PRELID3B: variants seen among roughly 807,000 people sequenced by gnomAD.
PRELID3B encodes the protein PRELI domain containing 3B, also known as PRELI domain containing protein 3B.
A neutral mutation model predicts 24.0 loss-of-function variants in PRELID3B; 15 were observed. That is an observed-to-expected ratio of 0.63 (90% confidence interval 0.42 to 0.96). PRELID3B has a LOEUF of 0.96. PRELID3B is among the 40% of genes least tolerant of loss of function. PRELID3B has a pLI of 0.00. For synonymous variants in PRELID3B, 62 were observed against 76.0 expected, an observed-to-expected ratio of 0.82 and a Z score of 0.96; for missense variants, 189 against 236.0, an observed-to-expected ratio of 0.80 and a Z score of 1.30.
chr20:59,039,515 G>C (rs2092097013), intron 1 of PRELID3B, among the ~76,000 whole-genome samples: 2 of 152,204 alleles, frequency 1.3e-5, no homozygotes, highest in South Asian at 4.1e-4. Context: ...CCCTTATTAA[G>C]TACAATCAGT....
At position 59,036,486 on chromosome 20, in the gene PRELID3B, G is replaced by A. The variant is rs2092073109; in HGVS notation, c.450C>T (p.Ser150=). 4 of 1,612,470 alleles carry A rather than the reference G, an allele frequency of 2.5e-6. No individual in the cohort carries two copies. Among genetic ancestry groups the A allele is most frequent in the Non-Finnish European group, 3.4e-6 (4 of 1,178,816 alleles). ...YLEGLMASTI[S]SNASKGREAM... The stretch of plus-strand genomic sequence containing the variant: ...CCTCACTTACTTTACTAGCATTTGA[G>A]GATATCGTACTTGCCATCAGTCCTT... The change falls in exon 5 of 6, where the codon TCC becomes TCT. Residue 150 remains serine, a synonymous_variant. Coordinates refer to ENST00000355937, the MANE Select transcript of PRELID3B (RefSeq NM_016045.3).
In PRELID3B at chr20:59,037,737, C is replaced by T. The variant is rs568663472; in HGVS notation, c.202-457G>A. Among the ~76,000 whole-genome samples the T allele has an allele frequency of 2.3e-3, 355 of 152,356 alleles. 1 individual carries two copies. Among genetic ancestry groups the T allele is most frequent in the African/African-American group, 8.4e-3 (348 of 41,582 alleles). ...GTTCTTACGATGGAGGCTCACACGT[C>T]AGTGTCCACTGTCACTCCCTGTGCT... is the stretch of plus-strand genomic sequence containing the variant. On this transcript the variant is annotated intron_variant, in intron 2 of 5. Coordinates refer to ENST00000355937, the MANE Select transcript of PRELID3B (RefSeq NM_016045.3).
intron 1 of PRELID3B, among the ~76,000 whole-genome samples, chr20:59,042,338 G>A (rs2092116005): frequency 6.6e-6 from 1 of 152,260 alleles, no homozygotes; most frequent in African/African-American, 2.4e-5. Flanking sequence ...TGGTTTCACA[G>A]GGCGGGATGG....
intron 2 of PRELID3B, among the ~76,000 whole-genome samples, chr20:59,037,622 AAGG>A (rs2092083268): frequency 6.6e-6 from 1 of 152,204 alleles, no homozygotes. Flanking sequence ...CAGCTAGAAA[AAGG>A]AGAACTCAAA....
chr20:59,036,879 G>A (rs1362570037), intron 3 of PRELID3B, 119 bp from the exon 4 acceptor site: 12 of 689,142 alleles, frequency 1.7e-5, no homozygotes, highest in South Asian at 9.6e-5. Context: ...CAAATAAACC[G>A]CTGCTATTAT....
Position 59,033,654 on chromosome 20 carries a change from A to G in PRELID3B, c.*1353T>C, listed in dbSNP as rs1480914961. The G allele has an allele frequency of 2.0e-5, 3 of 152,248 alleles. No homozygotes were observed. The highest frequency in any genetic ancestry group is 7.2e-5 in the African/African-American group (3 of 41,466). 9.4% of individuals were successfully genotyped at this position (152,248 alleles called of 1,614,324 possible). ...TACTATTTCTGTGGTTTATGTACAT[A>G]TATTAACTGGTCTCTTGGATAGGAA... On this transcript the variant is annotated 3_prime_UTR_variant, in exon 6 of 6. Transcript: ENST00000355937.
At chr20:59,039,531 A>T (rs545305341) in intron 1 of PRELID3B, among the ~76,000 whole-genome samples, 2 of 152,258 alleles carry the variant, frequency 1.3e-5, no homozygotes, top group Admixed American at 1.3e-4. Flanking sequence ...TCAGTATTAA[A>T]GGTGACTTAG....
intron 1 of PRELID3B, among the ~76,000 whole-genome samples, chr20:59,039,675 A>T (rs1267726547): frequency 1.3e-5 from 2 of 152,204 alleles, no homozygotes; most frequent in African/African-American, 4.8e-5. Context: ...ATTACTTTTT[A>T]TTTTTCTAAA....
rs1193763605 is a variant in PRELID3B at position 59,040,440 on chromosome 20, G to A, written c.33-1806C>T. On this transcript the variant is annotated intron_variant, in intron 1 of 5. Transcript: ENST00000355937. This position sits in a 1 kb window ranked among gnomAD's most constrained non-coding sequence, Gnocchi z 4.1. ...TGAGGACATTATTAACTCCACTGGC[G>A]CAGCATCGAGGTCTTGATTTACTTA... Among the ~76,000 whole-genome samples the A allele has an allele frequency of 1.3e-5, 2 of 152,274 alleles. No individual in the cohort carries two copies. Among genetic ancestry groups the A allele is most frequent in the Middle Eastern group, 3.4e-3 (1 of 294 alleles).
chr20:59,042,771 A>T lies in PRELID3B; in HGVS notation c.-41T>A. 6.3e-7 allele frequency: 1 copy of T among 1,583,302 alleles called. No homozygotes were observed. The highest frequency in any genetic ancestry group is 8.6e-7 in the Non-Finnish European group (1 of 1,165,396). On this transcript the variant is annotated 5_prime_UTR_variant, in exon 1 of 6. Coordinates refer to ENST00000355937, the MANE Select transcript of PRELID3B (RefSeq NM_016045.3). ...AGAGATGTCCGGGTAGCGCCAGGGG[A>T]CAACGAGGCACAGAGGCTACACCTG...
rs1337916297 is a variant in PRELID3B, at chr20:59,034,087, T to C, written c.*920A>G. The C allele has an allele frequency of 6.6e-6, 1 of 152,220 alleles. No individual in the cohort carries two copies. The highest frequency in any genetic ancestry group is 1.5e-5 in the Non-Finnish European group (1 of 68,046). 9.4% of individuals were successfully genotyped at this position (152,220 alleles called of 1,614,324 possible). A position where few individuals can be genotyped will look rare whatever the true frequency, so the allele number is the denominator to read the frequency against. On this transcript the variant is annotated 3_prime_UTR_variant, in exon 6 of 6. Transcript: ENST00000355937. ...TTTCAAATGATACACAGCTCCTTCA[T>C]GTAAAAAAGATGTTTTGTGGTCACA...
At position 59,042,564 on chromosome 20, in the gene PRELID3B, G is replaced by A. The variant is rs236693; in HGVS notation, c.32+135C>T. On this transcript the variant is annotated intron_variant, in intron 1 of 5. Coordinates refer to ENST00000355937, the MANE Select transcript of PRELID3B (RefSeq NM_016045.3). ...TTGGTCTGCCCTCCGTGTCGCCGGGGCCCGCAGGCTTCAGAGTTCGCTCCC... is the reference window on the plus strand; with the variant it reads ...TTGGTCTGCCCTCCGTGTCGCCGGGACCCGCAGGCTTCAGAGTTCGCTCCC... The A allele has an allele frequency of 4.2e-6, 4 of 957,472 alleles. No individual in the cohort carries two copies. The African/African-American group carries it at 5.0e-5, about 12-fold the overall frequency. 59.3% of individuals were successfully genotyped at this position (957,472 alleles called of 1,614,324 possible). A position where few individuals can be genotyped will look rare whatever the true frequency, so the allele number is the denominator to read the frequency against.
At chr20:59,038,034 ACAGGAAGGAGTTCCAGAC>A (rs2092086303) in intron 2 of PRELID3B, 1 of 157,118 alleles carries the variant, frequency 6.4e-6, no homozygotes, top group Non-Finnish European at 1.4e-5. Flanking sequence ...TTCTAAATGT[ACAGGAAGGAGTTCCAGAC>A]CTTGGAACAA....
chr20:59,041,060 G>C (rs944252031), intron 1 of PRELID3B, among the ~76,000 whole-genome samples: 1 of 152,146 alleles, frequency 6.6e-6, no homozygotes, highest in Admixed American at 6.5e-5. Flanking sequence ...AAAGAGTGTA[G>C]AGGGAAGGAG....
Position 59,042,756 on chromosome 20 carries a change from G to C in PRELID3B, c.-26C>G, listed in dbSNP as rs1249424953. On this transcript the variant is annotated 5_prime_UTR_variant, in exon 1 of 6. Transcript: ENST00000355937. Reference sequence around the variant, plus strand: ...GGTGCCGGCACCCTGAGAGATGTCCGGGTAGCGCCAGGGGACAACGAGGCA... The same window carrying C: ...GGTGCCGGCACCCTGAGAGATGTCCCGGTAGCGCCAGGGGACAACGAGGCA... 5.6e-6 allele frequency: 9 copies of C among 1,596,928 alleles called. No homozygotes were observed. Among genetic ancestry groups the C allele is most frequent in the African/African-American group, 1.3e-5 (1 of 74,744 alleles).
At chr20:59,041,598 G>A (rs1276667174) in intron 1 of PRELID3B, among the ~76,000 whole-genome samples, 3 of 151,986 alleles carry the variant, frequency 2.0e-5, no homozygotes, top group African/African-American at 7.2e-5. Flanking sequence ...AGCCGGGCGC[G>A]GTGGTGGGCG....
intron 1 of PRELID3B, among the ~76,000 whole-genome samples, chr20:59,039,730 T>C (rs942633025): frequency 6.6e-6 from 1 of 152,244 alleles, no homozygotes; most frequent in Admixed American, 6.5e-5. Flanking sequence ...AGAACTCAGA[T>C]TGACAACTAC....
At chr20:59,037,434 G>C in intron 2 of PRELID3B, 154 bp from the exon 3 acceptor site, 1 of 698,738 alleles carries the variant, frequency 1.4e-6, no homozygotes, top group Non-Finnish European at 2.6e-6. Context: ...TCAGAAAGGA[G>C]GCCTATTCAC....
intron 2 of PRELID3B, among the ~76,000 whole-genome samples, chr20:59,037,512 C>T (rs1353733525): frequency 6.6e-6 from 1 of 152,262 alleles, no homozygotes; most frequent in East Asian, 1.9e-4. Flanking sequence ...AACCAGCCCA[C>T]TGAGAACGTC....
Sources: allele counts gnomAD v4.1 joint callset (sites outside exome capture counted in the v4.1 genomes callset), GRCh38; gene constraint gnomAD v4.1.1; non-coding constraint Gnocchi (gnomAD v3.1); transcripts MANE v1.5; gene names NCBI Gene and HGNC (gene_info 2026-07-23, HGNC 2026-07-21).